The following ESRRG variants were observed in gnomAD, a reference collection of about 807,000 sequenced individuals.
The protein encoded by ESRRG is estrogen-related receptor gamma.
ESRRG carries 13 observed loss-of-function variants against 44.0 expected under a neutral mutation model. The observed-to-expected ratio is 0.30, with a 90% CI of 0.19 to 0.47. The LOEUF (loss-of-function observed/expected upper bound fraction) is 0.47, where lower values mean the gene tolerates loss of function less well. Ranked by LOEUF, ESRRG falls within the 20% of genes least tolerant of loss-of-function variation. The pLI, the probability that ESRRG is intolerant of heterozygous loss-of-function variation, is 1.00. For synonymous variants in ESRRG, 215 were observed against 214.6 expected (o/e 1.00, Z -0.02); for missense variants, 395 against 580.6 (o/e 0.68, Z 3.29).
At chr1:217,032,048 C>T (rs527308234) in intron 1 of ESRRG, among the ~76,000 whole-genome samples, 2 of 152,292 alleles carry the variant, frequency 1.3e-5, no homozygotes, top group Admixed American at 6.5e-5. Flanking sequence ...TGCTAAGGTG[C>T]TAAATTCAGG....
chr1:216,986,151 C>A (rs2074822275), intron 1 of ESRRG, among the ~76,000 whole-genome samples: 1 of 152,030 alleles, frequency 6.6e-6, no homozygotes, highest in South Asian at 2.1e-4. Context: ...GTTGGGTGAC[C>A]CAGGAATGAT....
At chr1:216,780,531 C>T (rs2093894387) in intron 2 of ESRRG, among the ~76,000 whole-genome samples, 1 of 152,036 alleles carries the variant, frequency 6.6e-6, no homozygotes, top group African/African-American at 2.4e-5. Flanking sequence ...ACTGTGTGTA[C>T]ATTATCTCTC....
chr1:216,952,868 T>A (rs1260067833), intron 1 of ESRRG, among the ~76,000 whole-genome samples: 1 of 152,102 alleles, frequency 6.6e-6, no homozygotes, highest in East Asian at 1.9e-4. Flanking sequence ...CCAAGAGTCA[T>A]CAATTTTCTA....
At chr1:216,575,685 A>G (rs894230443) in intron 3 of ESRRG, among the ~76,000 whole-genome samples, 2 of 152,114 alleles carry the variant, frequency 1.3e-5, no homozygotes, top group Admixed American at 6.6e-5. Context: ...ATGGCTGCAG[A>G]ACTCACGTTC....
At chr1:216,897,544 C>T (rs779615678) in intron 2 of ESRRG, among the ~76,000 whole-genome samples, 4 of 152,162 alleles carry the variant, frequency 2.6e-5, no homozygotes, top group African/African-American at 7.2e-5. Flanking sequence ...TTTATATAGG[C>T]TTTCCCTGCA....
intron 2 of ESRRG, among the ~76,000 whole-genome samples, chr1:216,886,207 A>G (rs534085256): frequency 6.6e-6 from 1 of 152,216 alleles, no homozygotes; most frequent in South Asian, 2.1e-4. Flanking sequence ...ATATGCATCC[A>G]CTTCATTTTA....
chr1:216,790,661 T>A (rs1327701453), intron 2 of ESRRG, among the ~76,000 whole-genome samples: 1 of 152,142 alleles, frequency 6.6e-6, no homozygotes, highest in Non-Finnish European at 1.5e-5. Context: ...GCTATAGTAG[T>A]GGAATCTGGT....
At position 216,943,845 on chromosome 1, in the gene ESRRG, G is replaced by A. The variant is rs150624281; in HGVS notation, c.-105-4172C>T. Among the ~76,000 whole-genome samples, 692 of 152,024 alleles carry A rather than the reference G, an allele frequency of 4.6e-3. 6 individuals are homozygous for A. Among genetic ancestry groups the A allele is most frequent in the African/African-American group, 0.016 (646 of 41,456 alleles). On this transcript the variant is annotated intron_variant, in intron 1 of 7. Coordinates refer to the ESRRG transcript ENST00000359162. Reference sequence around the variant, plus strand: ...TGATTATTTGAAGATTTTTTTTCAGGATTTCAATAAAGGCAATCAGGCAGG... The same window carrying A: ...TGATTATTTGAAGATTTTTTTTCAGAATTTCAATAAAGGCAATCAGGCAGG...
chr1:216,558,191 G>A (rs1000240987), intron 5 of ESRRG, among the ~76,000 whole-genome samples: 15 of 152,120 alleles, frequency 9.9e-5, no homozygotes, highest in African/African-American at 2.9e-4. Flanking sequence ...TTTCCAGCAA[G>A]GGTAGCTGCA....
chr1:216,689,575 T>A (rs1000192358), intron 1 of ESRRG, among the ~76,000 whole-genome samples: 1 of 152,062 alleles, frequency 6.6e-6, no homozygotes, highest in Non-Finnish European at 1.5e-5. Context: ...AATTTTGGGA[T>A]TTTTTGGATT....
intron 2 of ESRRG, among the ~76,000 whole-genome samples, chr1:216,779,063 AT>A (rs370213385): frequency 1.4e-3 from 193 of 141,488 alleles, no homozygotes; most frequent in African/African-American, 4.9e-3. Context: ...GGTTATTCAT[AT>A]TGTTTTCTAT....
chr1:217,093,218 C>T (rs1254312897), upstream of ESRRG, among the ~76,000 whole-genome samples: 2 of 152,160 alleles, frequency 1.3e-5, no homozygotes, highest in African/African-American at 4.8e-5. Context: ...TGACCTCTGG[C>T]AAATTATTTA....
intron 1 of ESRRG, among the ~76,000 whole-genome samples, chr1:216,977,452 T>G (rs1257720989): frequency 6.6e-6 from 1 of 152,088 alleles, no homozygotes; most frequent in Non-Finnish European, 1.5e-5. Flanking sequence ...ATCATCTTTA[T>G]TTTACTTAAT....
At chr1:217,004,649 A>G (rs2077488257) in intron 1 of ESRRG, among the ~76,000 whole-genome samples, 1 of 152,212 alleles carries the variant, frequency 6.6e-6, no homozygotes, top group African/African-American at 2.4e-5. Context: ...ATGGTAAGCC[A>G]TGGGCATATA....
At chr1:216,845,401 G>C (rs1559847560) in intron 2 of ESRRG, among the ~76,000 whole-genome samples, 1 of 152,138 alleles carries the variant, frequency 6.6e-6, no homozygotes, top group East Asian at 1.9e-4. Context: ...CATTGATAGG[G>C]TATAATTTAT....
intron 5 of ESRRG, among the ~76,000 whole-genome samples, chr1:216,528,955 A>G (rs2048474043): frequency 6.6e-6 from 1 of 152,154 alleles, no homozygotes; most frequent in Admixed American, 6.5e-5. Flanking sequence ...CCTATGATAA[A>G]GCAGCAGATT....
intron 2 of ESRRG, among the ~76,000 whole-genome samples, chr1:216,889,279 G>T (rs2057452683): frequency 6.6e-6 from 1 of 152,204 alleles, no homozygotes; most frequent in African/African-American, 2.4e-5. Flanking sequence ...TAAGAAGGTT[G>T]CTGAAGCACA....
chr1:216,995,860 C>T (rs2076308857), intron 1 of ESRRG, among the ~76,000 whole-genome samples: 1 of 152,188 alleles, frequency 6.6e-6, no homozygotes, highest in African/African-American at 2.4e-5. Context: ...CATAAACCAA[C>T]TTGTGTCCTG....
intron 1 of ESRRG, among the ~76,000 whole-genome samples, chr1:217,044,241 C>T (rs967833301): frequency 3.3e-5 from 5 of 152,146 alleles, no homozygotes; most frequent in African/African-American, 1.2e-4. Flanking sequence ...CATGGAAGTC[C>T]TTGCCCAGAT....
Sources: allele counts gnomAD v4.1 joint callset (sites outside exome capture counted in the v4.1 genomes callset), GRCh38; gene constraint gnomAD v4.1.1; transcripts MANE v1.5; gene names NCBI Gene and HGNC (gene_info 2026-07-23, HGNC 2026-07-21).